Variants in PCA3 observed in about 807,000 individuals in gnomAD.
PCA3 encodes the protein Differential Display code 3.
chr9:76,769,429 G>C (rs998602168), intron 2 of PCA3, among the ~76,000 whole-genome samples: 27 of 152,088 alleles, frequency 1.8e-4, no homozygotes, highest in African/African-American at 6.5e-4. Context: ...TTTCTTCCAA[G>C]TGAAAAATGT....
chr9:76,766,892 C>T (rs557122800), intron 2 of PCA3, among the ~76,000 whole-genome samples: 103 of 152,304 alleles, frequency 6.8e-4, no homozygotes, highest in African/African-American at 2.4e-3. Context: ...CACAGGCATA[C>T]ACATACACAA....
At chr9:76,778,513 C>T (rs2054041602) in intron 2 of PCA3, 1 of 152,210 alleles carries the variant, frequency 6.6e-6, no homozygotes, top group Non-Finnish European at 1.5e-5. Context: ...TCAGTTGGAG[C>T]AAGCTCAATA....
chr9:76,786,519 C>T (rs771505471), intron 2 of PCA3: 6 of 152,312 alleles, frequency 3.9e-5, no homozygotes, highest in Admixed American at 3.9e-4. Flanking sequence ...ATCTCTGGCT[C>T]TCCTCTTGAC....
intron 2 of PCA3, among the ~76,000 whole-genome samples, chr9:76,774,450 C>CTTTTTT (rs869289049): frequency 1.4e-4 from 6 of 41,396 alleles, no homozygotes; most frequent in Non-Finnish European, 2.3e-4. Flanking sequence ...CAGTTCAACC[C>CTTTTTT]TTTTTTTTTT....
intron 2 of PCA3, chr9:76,764,485 G>C (rs1360607863): frequency 6.6e-6 from 1 of 152,288 alleles, no homozygotes; most frequent in East Asian, 1.9e-4. Context: ...AAACAGAGGG[G>C]AGATTTGTGT....
chr9:76,773,704 A>G (rs1468725611), intron 2 of PCA3, among the ~76,000 whole-genome samples: 1 of 152,130 alleles, frequency 6.6e-6, no homozygotes. Flanking sequence ...TCGGCCTCCC[A>G]AAGTGCTGGG....
intron 2 of PCA3, among the ~76,000 whole-genome samples, chr9:76,776,851 A>G (rs2053828128): frequency 6.7e-6 from 1 of 148,470 alleles, no homozygotes. Flanking sequence ...TTGAAGATAC[A>G]TGAAGCTTTC....
chr9:76,770,766 G>A (rs188019498), intron 2 of PCA3, among the ~76,000 whole-genome samples: 1 of 152,270 alleles, frequency 6.6e-6, no homozygotes, highest in Admixed American at 6.5e-5. Flanking sequence ...TAAAGAAAGT[G>A]AAGCCCAAAA....
intron 2 of PCA3, among the ~76,000 whole-genome samples, chr9:76,765,776 A>G (rs961702606): frequency 2.0e-5 from 3 of 152,206 alleles, no homozygotes; most frequent in Admixed American, 6.5e-5. Context: ...AACTTGTCCA[A>G]ACCAGTGCTT....
intron 2 of PCA3, among the ~76,000 whole-genome samples, chr9:76,764,709 G>T (rs887364643): frequency 3.3e-5 from 5 of 152,186 alleles, no homozygotes; most frequent in Admixed American, 1.3e-4. Context: ...ACAGCAGAAG[G>T]GTAGGAGCAG....
At chr9:76,765,888 A>G (rs1371617905) in intron 2 of PCA3, among the ~76,000 whole-genome samples, 1 of 152,154 alleles carries the variant, frequency 6.6e-6, no homozygotes, top group Non-Finnish European at 1.5e-5. Context: ...ACCTTTAGAA[A>G]TATCTCGTTA....
At chr9:76,773,654 G>T (rs572699904) in intron 2 of PCA3, among the ~76,000 whole-genome samples, 1 of 152,222 alleles carries the variant, frequency 6.6e-6, no homozygotes, top group South Asian at 2.1e-4. Flanking sequence ...ATGTTGGCCA[G>T]GCTGGTCTCG....
chr9:76,774,450 C>CTTTTTTTATTTATTTATTTTTT (rs1564272256), intron 2 of PCA3, among the ~76,000 whole-genome samples: 24 of 41,388 alleles, frequency 5.8e-4, no homozygotes, highest in Non-Finnish European at 5.1e-4. Flanking sequence ...CAGTTCAACC[C>CTTTTTTTATTTATTTATTTTTT]TTTTTTTTTT....
intron 2 of PCA3, among the ~76,000 whole-genome samples, chr9:76,767,907 G>T (rs1424723410): frequency 6.6e-6 from 1 of 152,134 alleles, no homozygotes; most frequent in Non-Finnish European, 1.5e-5. Context: ...AACCCTCTTG[G>T]TTCCTCACTT....
At chr9:76,781,374 A>G (rs1589196788) in intron 2 of PCA3, among the ~76,000 whole-genome samples, 1 of 152,268 alleles carries the variant, frequency 6.6e-6, no homozygotes, top group East Asian at 1.9e-4. Context: ...ACTATGACAC[A>G]TGCAGTTTCT....
intron 2 of PCA3, among the ~76,000 whole-genome samples, chr9:76,782,440 TG>T (rs1274679479): frequency 6.6e-6 from 1 of 152,142 alleles, no homozygotes; most frequent in Non-Finnish European, 1.5e-5. Flanking sequence ...TTTACAGCCT[TG>T]GGAAAGTTAT....
intron 2 of PCA3, among the ~76,000 whole-genome samples, chr9:76,781,654 A>G (rs1017759525): frequency 6.6e-6 from 1 of 152,226 alleles, no homozygotes; most frequent in Non-Finnish European, 1.5e-5. Context: ...CTACATTTAT[A>G]TGCATGATTA....
intron 2 of PCA3, among the ~76,000 whole-genome samples, chr9:76,771,704 C>A (rs1315883009): frequency 6.6e-6 from 1 of 152,130 alleles, no homozygotes; most frequent in Non-Finnish European, 1.5e-5. Flanking sequence ...ACAGGAAAAA[C>A]CAAACCTAAA....
At chr9:76,774,747 C>A (rs1007748322) in intron 2 of PCA3, among the ~76,000 whole-genome samples, 2 of 152,178 alleles carry the variant, frequency 1.3e-5, no homozygotes, top group South Asian at 4.1e-4. Context: ...GTGTGAGCCA[C>A]TAGGCCCGAC....
Sources: gnomAD v4.1 joint callset for allele counts (sites outside exome capture counted in the v4.1 genomes callset) on GRCh38, gnomAD v4.1.1 for gene constraint, MANE v1.5 for transcripts, NCBI Gene and HGNC (gene_info 2026-07-23, HGNC 2026-07-21) for gene names.